Variants in DOCK4 observed in about 807,000 individuals in gnomAD.
DOCK4 encodes the protein dedicator of cytokinesis protein 4.
A neutral mutation model predicts 268.1 loss-of-function variants in DOCK4; 97 were observed. The ratio of observed to expected loss-of-function variants is 0.36; its 90% CI spans 0.31 to 0.43. The LOEUF is 0.43. DOCK4 is among the 20% of genes least tolerant of loss of function. The probability of loss-of-function intolerance (pLI) is 1.00; values close to 1 mark genes in which losing one functional copy is unlikely to be tolerated. For missense variants in DOCK4, 2,145 were observed against 2,455.7 expected (o/e 0.87, Z 2.67); for synonymous variants, 954 against 887.2 (o/e 1.08, Z -1.34).
chr7:111,823,965 C>A (rs546641597), intron 26 of DOCK4, among the ~76,000 whole-genome samples: 29 of 152,254 alleles, frequency 1.9e-4, no homozygotes, highest in African/African-American at 6.7e-4. Flanking sequence ...CAATCAAGTC[C>A]ATAAATATTT....
intron 44 of DOCK4, among the ~76,000 whole-genome samples, chr7:111,745,579 G>A (rs1796203378): frequency 6.6e-6 from 1 of 151,372 alleles, no homozygotes; most frequent in African/African-American, 2.4e-5. Context: ...AGCTACTTGG[G>A]AGGCTGAGGC....
intron 21 of DOCK4, 130 bp downstream of exon 21, chr7:111,869,444 A>T: frequency 1.2e-6 from 1 of 813,418 alleles, no homozygotes; most frequent in Non-Finnish European, 2.0e-6. Flanking sequence ...CAAACTGATT[A>T]AGATCCTTGA....
chr7:112,187,054 C>G (rs538335304), intron 1 of DOCK4, among the ~76,000 whole-genome samples: 1 of 152,016 alleles, frequency 6.6e-6, no homozygotes, highest in African/African-American at 2.4e-5. Context: ...CTTTCAAAAG[C>G]CAAGCATGAT....
chr7:111,867,834 A>C, intron 22 of DOCK4, 150 bp downstream of exon 22: 1 of 765,456 alleles, frequency 1.3e-6, no homozygotes. Flanking sequence ...GGGGAATTTT[A>C]AAAGTCTACT....
chr7:112,162,732 T>A (rs567691195), intron 1 of DOCK4, among the ~76,000 whole-genome samples: 269 of 152,276 alleles, frequency 1.8e-3, no homozygotes, highest in Non-Finnish European at 3.1e-3. Context: ...ACAAAGTTCA[T>A]CTGGCTAAAC....
At chr7:111,778,497 C>T in intron 35 of DOCK4, 128 bp from the exon 36 acceptor site, 1 of 502,014 alleles carries the variant, frequency 2.0e-6, no homozygotes, top group East Asian at 3.3e-5. Flanking sequence ...GTAAATATCT[C>T]TAAAAATGAA....
At chr7:112,112,079 T>A (rs1460042190) in intron 1 of DOCK4, among the ~76,000 whole-genome samples, 1 of 152,036 alleles carries the variant, frequency 6.6e-6, no homozygotes, top group African/African-American at 2.4e-5. Context: ...CCATGAGAGG[T>A]GATATGATTT....
chr7:111,781,662 G>A (rs1360312412), intron 35 of DOCK4, among the ~76,000 whole-genome samples: 1 of 152,150 alleles, frequency 6.6e-6, no homozygotes, highest in East Asian at 1.9e-4. Context: ...GGCAGTGGGT[G>A]TGATAAAGAC....
At chr7:111,788,966 T>C in intron 31 of DOCK4, 1 of 575,946 alleles carries the variant, frequency 1.7e-6, no homozygotes, top group South Asian at 2.1e-5. Context: ...TAGCGTTTAC[T>C]GCTGCCAAAG....
At chr7:111,916,471 C>T (rs1164280465) in intron 12 of DOCK4, among the ~76,000 whole-genome samples, 1 of 151,948 alleles carries the variant, frequency 6.6e-6, no homozygotes, top group Non-Finnish European at 1.5e-5. Flanking sequence ...ACAGTAGAAA[C>T]TCATGATGAC....
At chr7:112,037,627 G>T (rs1803931826) in intron 1 of DOCK4, among the ~76,000 whole-genome samples, 1 of 152,118 alleles carries the variant, frequency 6.6e-6, no homozygotes, top group Admixed American at 6.5e-5. Context: ...TATATTAATA[G>T]TCCTTTTAAA....
intron 12 of DOCK4, among the ~76,000 whole-genome samples, chr7:111,929,572 G>A (rs933282724): frequency 3.3e-5 from 5 of 152,056 alleles, no homozygotes; most frequent in African/African-American, 1.2e-4. Context: ...TACCAACTTG[G>A]TAACACTGAA....
intron 25 of DOCK4, among the ~76,000 whole-genome samples, chr7:111,844,281 A>T (rs1194471855): frequency 3.9e-5 from 6 of 152,202 alleles, no homozygotes; most frequent in African/African-American, 1.4e-4. Flanking sequence ...GTCTCAAAAA[A>T]AGAAAAAAAA....
chr7:112,040,619 A>G (rs1804266778), intron 1 of DOCK4, among the ~76,000 whole-genome samples: 1 of 152,184 alleles, frequency 6.6e-6, no homozygotes, highest in Non-Finnish European at 1.5e-5. Flanking sequence ...CAACACACAC[A>G]TTTCAGTAAG....
At chr7:112,076,487 G>A (rs1410677280) in intron 1 of DOCK4, among the ~76,000 whole-genome samples, 1 of 152,030 alleles carries the variant, frequency 6.6e-6, no homozygotes, top group African/African-American at 2.4e-5. Flanking sequence ...ATTATTTCAT[G>A]ATCAAAGACA....
chr7:112,140,747 C>G (rs1034899342), intron 1 of DOCK4, among the ~76,000 whole-genome samples: 1 of 151,634 alleles, frequency 6.6e-6, no homozygotes, highest in East Asian at 1.9e-4. Flanking sequence ...GCACAAATCT[C>G]GAAGAATCAA....
chr7:111,889,756 A>G (rs542239553), intron 16 of DOCK4, among the ~76,000 whole-genome samples: 1 of 152,318 alleles, frequency 6.6e-6, no homozygotes, highest in Admixed American at 6.5e-5. Flanking sequence ...TGTCTATGTC[A>G]TCATATTAAA....
intron 22 of DOCK4, among the ~76,000 whole-genome samples, chr7:111,864,398 A>C (rs1044295115): frequency 6.6e-6 from 1 of 152,194 alleles, no homozygotes; most frequent in South Asian, 2.1e-4. Flanking sequence ...CAATGGAAGA[A>C]GAGTCGACTA....
chr7:112,206,380 C>A lies in DOCK4; in HGVS notation c.-242G>T. The stretch of plus-strand genomic sequence containing the variant: ...CGACGCGCTCCCGGGTACCCGGCGG[C>A]GCAGTCATTGTTCTGATTCACTGAA... On this transcript the variant is annotated 5_prime_UTR_variant, in exon 1 of 53. Coordinates refer to ENST00000428084, the MANE Select transcript of DOCK4 (RefSeq NM_001363540.2). The A allele has an allele frequency of 1.7e-6, 1 of 583,638 alleles. No homozygotes were observed. Among genetic ancestry groups the A allele is most frequent in the South Asian group, 2.1e-5 (1 of 48,436 alleles). The allele number at this position is 583,638 out of a possible 1,614,324, so 36.2% of individuals were successfully genotyped here.
Sources: allele counts gnomAD v4.1 joint callset (sites outside exome capture counted in the v4.1 genomes callset), GRCh38; gene constraint gnomAD v4.1.1; transcripts MANE v1.5; gene names NCBI Gene and HGNC (gene_info 2026-07-23, HGNC 2026-07-21).